The following NRF1 variants were observed in gnomAD, a reference collection of about 807,000 sequenced individuals.
NRF1 encodes the protein alpha palindromic-binding protein.
NRF1 carries 5 observed loss-of-function variants against 58.5 expected under a neutral mutation model. The ratio of observed to expected loss-of-function variants is 0.09; its 90% CI spans 0.04 to 0.18. The LOEUF (loss-of-function observed/expected upper bound fraction) is 0.18. NRF1 is among the 10% of genes least tolerant of loss of function. The pLI, the probability that NRF1 is intolerant of heterozygous loss-of-function variation, is 1.00. For synonymous variants in NRF1, 224 were observed against 246.7 expected (o/e 0.91, Z 0.86); for missense variants, 288 against 657.7 (o/e 0.44, Z 6.15).
rs534633200 is a variant in NRF1, at chr7:129,694,381, T to G, written c.606+3835T>G. On this transcript the variant is annotated intron_variant, in intron 5 of 10. Transcript: ENST00000393232. ...CTTTGTCTCTGTCTCTCTTTTTTTTTGGGGATGGAGTCTCACTCTGTTGCC... is the reference window on the plus strand; with the variant it reads ...CTTTGTCTCTGTCTCTCTTTTTTTTGGGGGATGGAGTCTCACTCTGTTGCC... Among the ~76,000 whole-genome samples, 567 of 152,310 alleles carry G rather than the reference T, an allele frequency of 3.7e-3. 5 individuals carry two copies. The highest frequency in any genetic ancestry group is 0.031 in the South Asian group (149 of 4,826).
intron 1 of NRF1, among the ~76,000 whole-genome samples, chr7:129,642,154 A>AT (rs939520005): frequency 2.1e-5 from 3 of 145,286 alleles, no homozygotes; most frequent in South Asian, 2.2e-4. Flanking sequence ...AATTTTTTGT[A>AT]TTTTTTTTTA....
chr7:129,688,362 A>G (rs1051986517), intron 4 of NRF1, among the ~76,000 whole-genome samples: 2 of 152,094 alleles, frequency 1.3e-5, no homozygotes, highest in African/African-American at 2.4e-5. Flanking sequence ...CCTGGGCTCA[A>G]GGGATCTGCC....
chr7:129,656,440 T>C (rs113237297), intron 1 of NRF1, among the ~76,000 whole-genome samples: 1 of 151,290 alleles, frequency 6.6e-6, no homozygotes, highest in African/African-American at 2.4e-5. Context: ...TCAAAAATAA[T>C]GAACTTCTGG....
chr7:129,668,944 C>T (rs976234729), intron 2 of NRF1, among the ~76,000 whole-genome samples: 4 of 152,126 alleles, frequency 2.6e-5, no homozygotes, highest in East Asian at 1.9e-4. Context: ...CTCCCCTCCC[C>T]TCCTGTCTCC....
intron 1 of NRF1, among the ~76,000 whole-genome samples, chr7:129,637,978 A>G (rs1351500552): frequency 2.0e-5 from 3 of 151,856 alleles, no homozygotes; most frequent in Non-Finnish European, 4.4e-5. Flanking sequence ...AAGATTGGAC[A>G]CCTCTGCTTT....
intron 4 of NRF1, among the ~76,000 whole-genome samples, chr7:129,689,801 A>G (rs983632350): frequency 1.6e-4 from 25 of 152,200 alleles, no homozygotes; most frequent in African/African-American, 5.5e-4. Flanking sequence ...GATTTGACCT[A>G]TGGGGCTCCC....
At position 129,616,492 on chromosome 7, in the gene NRF1, C is replaced by T. The variant is rs561257694; in HGVS notation, c.-7+4668C>T. 2.0e-5 allele frequency among the ~76,000 whole-genome samples: 3 copies of T among 152,260 alleles called. No homozygotes were observed. In the South Asian group the frequency reaches 6.2e-4, roughly 32 times the overall value. On this transcript the variant is annotated intron_variant, in intron 1 of 10. Transcript: ENST00000393232. ...GCATATGCCTATAGTTTGAGCTATT[C>T]AGGAGGCTGAGGCAGGAGGATCACT...
At chr7:129,731,288 AG>A (rs1343248720) in intron 10 of NRF1, among the ~76,000 whole-genome samples, 4 of 142,000 alleles carry the variant, frequency 2.8e-5, no homozygotes, top group Non-Finnish European at 4.7e-5. Flanking sequence ...AAAAAAAAAA[AG>A]GTAATGACCC....
intron 6 of NRF1, 37 bp from the exon 7 acceptor site, chr7:129,710,337 T>C (rs1462462192): frequency 6.2e-7 from 1 of 1,603,104 alleles, no homozygotes; most frequent in Non-Finnish European, 8.5e-7. Flanking sequence ...CAAAGTTCTT[T>C]GTGGCTTAAT....
chr7:129,697,448 C>T (rs1363106353), intron 5 of NRF1, among the ~76,000 whole-genome samples: 2 of 150,262 alleles, frequency 1.3e-5, no homozygotes, highest in African/African-American at 4.9e-5. Flanking sequence ...CTTGGGAGGG[C>T]GAGACAGGAG....
At chr7:129,690,664 T>C (rs1395065958) in intron 5 of NRF1, 118 bp downstream of exon 5, 2 of 1,090,574 alleles carry the variant, frequency 1.8e-6, no homozygotes, top group African/African-American at 3.1e-5. Flanking sequence ...AGATGCTGAC[T>C]GGAGTCTTGT....
At chr7:129,651,813 G>C (rs1251281731) in intron 1 of NRF1, among the ~76,000 whole-genome samples, 1 of 152,096 alleles carries the variant, frequency 6.6e-6, no homozygotes, top group African/African-American at 2.4e-5. Flanking sequence ...CAAATCTGGG[G>C]GCTAGGATAT....
chr7:129,738,062 G>A (rs1407626276), intron 10 of NRF1, among the ~76,000 whole-genome samples: 1 of 152,196 alleles, frequency 6.6e-6, no homozygotes, highest in Non-Finnish European at 1.5e-5. Context: ...CCACTCCCTT[G>A]TTGATAGAGT....
intron 1 of NRF1, among the ~76,000 whole-genome samples, chr7:129,621,972 A>G (rs561255040): frequency 2.0e-5 from 3 of 151,998 alleles, no homozygotes; most frequent in South Asian, 4.2e-4. Flanking sequence ...TAGTAGAGAC[A>G]GGGTTTCACC....
At chr7:129,674,428 G>A (rs62489295) in intron 3 of NRF1, among the ~76,000 whole-genome samples, 51,796 of 151,346 alleles carry the variant, frequency 0.34, 9,169 homozygotes, top group East Asian at 0.61. Context: ...TGTACATACC[G>A]TAATTTTAAA....
At chr7:129,656,223 G>C (rs1226440975) in intron 1 of NRF1, among the ~76,000 whole-genome samples, 1 of 151,840 alleles carries the variant, frequency 6.6e-6, no homozygotes, top group Non-Finnish European at 1.5e-5. Flanking sequence ...CAGCATATTT[G>C]ATCAGCAAGT....
At chr7:129,611,985 C>CCCCGG (rs1367335284) in intron 1 of NRF1, among the ~76,000 whole-genome samples, 161 bp downstream of exon 1, 2 of 148,822 alleles carry the variant, frequency 1.3e-5, no homozygotes, top group Non-Finnish European at 3.0e-5. Context: ...GGGCGGGGGG[C>CCCCGG]CCCGGCCCGG....
intron 1 of NRF1, among the ~76,000 whole-genome samples, chr7:129,640,152 A>G (rs535770666): frequency 2.0e-5 from 3 of 152,324 alleles, no homozygotes; most frequent in African/African-American, 4.8e-5. Flanking sequence ...CAGGAGATGT[A>G]TTAGAGGGAC....
intron 1 of NRF1, among the ~76,000 whole-genome samples, chr7:129,627,353 A>T (rs755259728): frequency 6.6e-6 from 1 of 151,998 alleles, no homozygotes; most frequent in African/African-American, 2.4e-5. Flanking sequence ...CTGGGACTAC[A>T]GGTGCCTGTC....
Sources: gnomAD v4.1 joint callset for allele counts (sites outside exome capture counted in the v4.1 genomes callset) on GRCh38, gnomAD v4.1.1 for gene constraint, MANE v1.5 for transcripts, NCBI Gene and HGNC (gene_info 2026-07-23, HGNC 2026-07-21) for gene names.